Variants in METTL15 observed in about 807,000 individuals in gnomAD.
The protein encoded by METTL15 is 12S rRNA N(4)-cytidine methyltransferase METTL15.
Under a neutral mutation model 38.3 loss-of-function variants are expected in METTL15, and 34 were observed. That is an observed-to-expected ratio of 0.89 (90% CI 0.68 to 1.18). METTL15 has a LOEUF of 1.18. Ranked by LOEUF, METTL15 falls within the 50% of genes most tolerant of loss-of-function variation. The pLI, the probability that METTL15 is intolerant of heterozygous loss-of-function variation, is 0.00. For missense variants in METTL15, 438 were observed against 498.4 expected (o/e 0.88, Z 1.15); for synonymous variants, 162 against 170.9 (o/e 0.95, Z 0.41).
At chr11:28,443,631 T>C (rs1265245746) in intron 6 of METTL15, among the ~76,000 whole-genome samples, 2 of 152,168 alleles carry the variant, frequency 1.3e-5, no homozygotes, top group East Asian at 3.9e-4. Flanking sequence ...TGCTCCTCCT[T>C]AGGGTCCTCA....
chr11:28,460,670 G>A (rs1851206699), intron 6 of METTL15, among the ~76,000 whole-genome samples: 1 of 152,040 alleles, frequency 6.6e-6, no homozygotes, highest in Non-Finnish European at 1.5e-5. Flanking sequence ...ATAGTAGGGA[G>A]AAGTAGATCA....
chr11:28,208,355 A>G lies in METTL15; in HGVS notation c.271-2707A>G, dbSNP rs1354500711. Among the ~76,000 whole-genome samples, 4 of 152,072 alleles carry G rather than the reference A, an allele frequency of 2.6e-5. No individual in the cohort carries two copies. The East Asian group carries it at 7.7e-4, about 29-fold the overall frequency. On this transcript the variant is annotated intron_variant, in intron 3 of 6. Coordinates refer to ENST00000407364, the MANE Select transcript of METTL15 (RefSeq NM_001113528.2). ...AAAGAACATCTTTATTTCTGCCTTC[A>G]TTTCGTTATGTACCCCATAGTCATT...
At chr11:28,456,717 G>C (rs988233798) in intron 6 of METTL15, among the ~76,000 whole-genome samples, 5 of 152,102 alleles carry the variant, frequency 3.3e-5, no homozygotes, top group Admixed American at 3.3e-4. Context: ...TGGGATTACA[G>C]GTGTGAGCCA....
At chr11:28,265,749 A>G (rs1855389471) in intron 4 of METTL15, among the ~76,000 whole-genome samples, 2 of 152,276 alleles carry the variant, frequency 1.3e-5, no homozygotes, top group East Asian at 1.9e-4. Context: ...CTCCACACCT[A>G]TATACCCAAA....
intron 5 of METTL15, among the ~76,000 whole-genome samples, chr11:28,424,140 A>C (rs10835327): frequency 0.42 from 64,233 of 152,032 alleles, 14,970 homozygotes; most frequent in Admixed American, 0.54. Context: ...TATGATGTTA[A>C]TGTTCCATCA....
intron 6 of METTL15, among the ~76,000 whole-genome samples, chr11:28,473,820 G>T (rs1302858263): frequency 6.6e-6 from 1 of 151,928 alleles, no homozygotes; most frequent in East Asian, 1.9e-4. Flanking sequence ...CTCTAACCTT[G>T]CAGGGTGTTT....
intron 3 of METTL15, among the ~76,000 whole-genome samples, chr11:28,127,850 A>G (rs1852561953): frequency 6.6e-6 from 1 of 152,134 alleles, no homozygotes; most frequent in African/African-American, 2.4e-5. Context: ...CCGACAGTTA[A>G]AAGTTTGCCA....
chr11:28,363,436 T>G (rs1850157952), intron 5 of METTL15, among the ~76,000 whole-genome samples: 2 of 152,326 alleles, frequency 1.3e-5, no homozygotes, highest in South Asian at 4.1e-4. Context: ...CCTCCCAAAG[T>G]GCTGGGATTA....
At chr11:28,458,851 A>G (rs1321188762) in intron 6 of METTL15, among the ~76,000 whole-genome samples, 1 of 152,228 alleles carries the variant, frequency 6.6e-6, no homozygotes, top group Non-Finnish European at 1.5e-5. Context: ...TGTTGAAGAA[A>G]GGAAGAATGT....
intron 6 of METTL15, among the ~76,000 whole-genome samples, chr11:28,317,782 T>C (rs1857532324): frequency 6.6e-6 from 1 of 152,194 alleles, no homozygotes; most frequent in African/African-American, 2.4e-5. Context: ...GATTTTCTCT[T>C]ACTTTATGTG....
At chr11:28,142,950 T>A (rs1849749586) in intron 3 of METTL15, among the ~76,000 whole-genome samples, 1 of 152,072 alleles carries the variant, frequency 6.6e-6, no homozygotes, top group South Asian at 2.1e-4. Context: ...GATAGAGTGG[T>A]AACAGTTTAA....
intron 4 of METTL15, among the ~76,000 whole-genome samples, chr11:28,233,403 C>G (rs549453009): frequency 3.3e-5 from 5 of 151,664 alleles, no homozygotes; most frequent in Non-Finnish European, 5.9e-5. Context: ...TTATGTAAAC[C>G]ATTAGCTTTT....
At chr11:28,239,879 A>G (rs1018020882) in intron 4 of METTL15, among the ~76,000 whole-genome samples, 1 of 152,194 alleles carries the variant, frequency 6.6e-6, no homozygotes, top group African/African-American at 2.4e-5. Flanking sequence ...ACCCTTTGAC[A>G]TAGTACATAT....
intron 6 of METTL15, among the ~76,000 whole-genome samples, chr11:28,440,290 T>A (rs973221628): frequency 2.6e-5 from 4 of 152,188 alleles, no homozygotes; most frequent in Non-Finnish European, 4.4e-5. Context: ...GCATAATCAT[T>A]ACAATCATGA....
chr11:28,119,921 GGACC>G (rs1398382344), intron 3 of METTL15, among the ~76,000 whole-genome samples: 1 of 152,128 alleles, frequency 6.6e-6, no homozygotes, highest in Non-Finnish European at 1.5e-5. Flanking sequence ...CTAAGGAATA[GGACC>G]AATGGCATAG....
chr11:28,375,639 T>A (rs889766627), intron 5 of METTL15, among the ~76,000 whole-genome samples: 1 of 152,198 alleles, frequency 6.6e-6, no homozygotes, highest in African/African-American at 2.4e-5. Context: ...ATTAATTTTT[T>A]GAAGGGTTTT....
chr11:28,422,153 A>G (rs1437671852), intron 5 of METTL15, among the ~76,000 whole-genome samples: 1 of 152,024 alleles, frequency 6.6e-6, no homozygotes, highest in Non-Finnish European at 1.5e-5. Flanking sequence ...TATTTCTACA[A>G]TGAAAACTAT....
At chr11:28,472,527 C>T (rs1851311789) in intron 6 of METTL15, among the ~76,000 whole-genome samples, 1 of 152,064 alleles carries the variant, frequency 6.6e-6, no homozygotes, top group Non-Finnish European at 1.5e-5. Context: ...CTCCCAGAGG[C>T]ATCAGAGGCA....
intron 6 of METTL15, among the ~76,000 whole-genome samples, chr11:28,496,979 C>G (rs1410961643): frequency 6.6e-6 from 1 of 152,172 alleles, no homozygotes; most frequent in East Asian, 1.9e-4. Flanking sequence ...GCACCGCATT[C>G]AGGTTTGGCA....
Sources: allele counts gnomAD v4.1 joint callset (sites outside exome capture counted in the v4.1 genomes callset), GRCh38; gene constraint gnomAD v4.1.1; transcripts MANE v1.5; gene names NCBI Gene and HGNC (gene_info 2026-07-23, HGNC 2026-07-21).